The following CACNA2D4 variants were observed in gnomAD, a reference collection of about 807,000 sequenced individuals.
CACNA2D4 encodes voltage-dependent calcium channel subunit alpha-2/delta-4.
CACNA2D4 carries 157 observed loss-of-function variants against 163.8 expected under a neutral mutation model. The ratio of observed to expected loss-of-function variants is 0.96; its 90% confidence interval spans 0.84 to 1.09. CACNA2D4 has a LOEUF of 1.09. Ranked by LOEUF, CACNA2D4 falls within the 50% of genes least tolerant of loss-of-function variation. CACNA2D4 has a pLI of 0.00. For missense variants in CACNA2D4, 1,410 were observed against 1,479.9 expected, an observed-to-expected ratio of 0.95 and a Z score of 0.78; for synonymous variants, 598 against 586.9, an observed-to-expected ratio of 1.02 and a Z score of -0.27.
At position 1,860,154 on chromosome 12, in the gene CACNA2D4, G is replaced by A. The variant is rs1417203572; in HGVS notation, c.1931C>T (p.Thr644Ile). The A allele has an allele frequency of 1.2e-6, 2 of 1,613,278 alleles. No individual in the cohort carries two copies. The highest frequency in any genetic ancestry group is 4.5e-5 in the East Asian group (2 of 44,882). Residue 644 changes from threonine to isoleucine, a missense_variant, in exon 19 of 38, where the codon ACC becomes ATC. Thr to Ile is a moderately conservative substitution (Grantham distance 89). Coordinates refer to ENST00000382722, the MANE Select transcript of CACNA2D4 (RefSeq NM_172364.5). Reference protein sequence around the residue: ...NDYFFTDISDTPFSLGVVLSR... With the variant: ...NDYFFTDISDIPFSLGVVLSR... ...AGCCTGTGTCCCTCACCTGAAAGGG[G>A]TGTCGCTGATGTCCGTGAAGAAGTA... is the stretch of plus-strand genomic sequence containing the variant.
At chr12:1,827,975 G>A (rs981161003) in intron 26 of CACNA2D4, 10 of 470,840 alleles carry the variant, frequency 2.1e-5, no homozygotes, top group Middle Eastern at 5.4e-4. Flanking sequence ...AACAGGAGAG[G>A]GCATGAGGAG....
chr12:1,829,720 C>A lies in CACNA2D4; in HGVS notation c.2551+11019G>T, dbSNP rs1864532643. Among the ~76,000 whole-genome samples the A allele has an allele frequency of 6.7e-6, 1 of 149,116 alleles. No homozygotes were observed. The highest frequency in any genetic ancestry group is 6.7e-5 in the Admixed American group (1 of 15,034). ...CCACCCCGACCTGGGACAGCCAGGT[C>A]CCAGGTCCCATGTCAGGGTGGGCCG... On this transcript the variant is annotated intron_variant, in intron 26 of 37. Coordinates refer to ENST00000382722, the MANE Select transcript of CACNA2D4 (RefSeq NM_172364.5). The surrounding 1 kb of genome is among the most constrained non-coding windows in gnomAD (Gnocchi z 4.2).
chr12:1,856,351 G>C, intron 20 of CACNA2D4, 122 bp from the exon 21 acceptor site: 1 of 1,012,182 alleles, frequency 9.9e-7, no homozygotes. Context: ...GTTCTTTCTT[G>C]CTCTTAGCTC....
At position 1,871,612 on chromosome 12, in the gene CACNA2D4, C is replaced by G. The variant is rs1865785800; in HGVS notation, c.1878+2992G>C. Among the ~76,000 whole-genome samples, 7 of 150,024 alleles carry G rather than the reference C, an allele frequency of 4.7e-5. No individual in the cohort carries two copies. In the South Asian group the frequency reaches 1.5e-3, roughly 32 times the overall value. ...TGTATGTGTGTACACATGTATGCCG[C>G]TCGTGTGTGCATGTGTACACGCGTG... On this transcript the variant is annotated intron_variant, in intron 18 of 37. Coordinates refer to ENST00000382722, the MANE Select transcript of CACNA2D4 (RefSeq NM_172364.5).
intron 26 of CACNA2D4, among the ~76,000 whole-genome samples, chr12:1,837,686 C>G (rs1169502995): frequency 2.6e-5 from 4 of 152,144 alleles, no homozygotes; most frequent in African/African-American, 9.7e-5. Flanking sequence ...CAGCTCCATT[C>G]CATGGCAGAG....
intron 3 of CACNA2D4, among the ~76,000 whole-genome samples, chr12:1,911,980 T>C (rs1257474432): frequency 6.6e-6 from 1 of 152,242 alleles, no homozygotes; most frequent in African/African-American, 2.4e-5. Context: ...CATTGGTTCC[T>C]GATGCTAAGA....
chr12:1,910,548 A>G (rs945802183), intron 3 of CACNA2D4, among the ~76,000 whole-genome samples: 1 of 152,228 alleles, frequency 6.6e-6, no homozygotes, highest in African/African-American at 2.4e-5. Flanking sequence ...TCTTAAAAAT[A>G]AAGTCTACTA....
chr12:1,885,081 C>T lies in CACNA2D4; in HGVS notation c.1069-5G>A, dbSNP rs1445019194. 1.2e-6 allele frequency: 2 copies of T among 1,612,178 alleles called. No homozygotes were observed. Among genetic ancestry groups the T allele is most frequent in the South Asian group, 1.1e-5 (1 of 91,040 alleles). The stretch of plus-strand genomic sequence containing the variant: ...CTCCACCAGCAGTTTGAAATGCTGC[C>T]ATGGGTGAGATATTAGAGAAGCATC... On this transcript the variant is annotated splice_polypyrimidine_tract_variant and splice_region_variant and intron_variant, in intron 9 of 37. Coordinates refer to ENST00000382722, the MANE Select transcript of CACNA2D4 (RefSeq NM_172364.5).
At chr12:1,898,677 CTGTGTG>C (rs148994217) in intron 6 of CACNA2D4, among the ~76,000 whole-genome samples, 27 of 149,298 alleles carry the variant, frequency 1.8e-4, no homozygotes, top group South Asian at 6.4e-4. Flanking sequence ...TCCCACAACT[CTGTGTG>C]TGTGTGTGTG....
chr12:1,865,449 A>G (rs1865628547), intron 18 of CACNA2D4, among the ~76,000 whole-genome samples: 1 of 152,188 alleles, frequency 6.6e-6, no homozygotes, highest in Non-Finnish European at 1.5e-5. Flanking sequence ...CCAAAGCACA[A>G]TCGCGTGCCT....
At chr12:1,892,856 CA>C (rs1866319587) in intron 6 of CACNA2D4, among the ~76,000 whole-genome samples, 1 of 152,024 alleles carries the variant, frequency 6.6e-6, no homozygotes, top group Admixed American at 6.5e-5. Flanking sequence ...TTAGATAAAA[CA>C]AACTTTAAGT....
At chr12:1,887,992 A>G (rs1280680941) in intron 6 of CACNA2D4, among the ~76,000 whole-genome samples, 1 of 152,172 alleles carries the variant, frequency 6.6e-6, no homozygotes, top group Non-Finnish European at 1.5e-5. Context: ...CATGATCTCA[A>G]AACCAAACAA....
chr12:1,907,628 C>A, intron 5 of CACNA2D4, 57 bp from the exon 6 acceptor site: 1 of 1,532,474 alleles, frequency 6.5e-7, no homozygotes, highest in Non-Finnish European at 9.0e-7. Flanking sequence ...AAATGGTGAT[C>A]ATGCCCGGTG....
At chr12:1,899,257 A>C (rs1866483618) in intron 6 of CACNA2D4, among the ~76,000 whole-genome samples, 1 of 152,112 alleles carries the variant, frequency 6.6e-6, no homozygotes, top group South Asian at 2.1e-4. Flanking sequence ...GTCTCATTTA[A>C]GAAGTCAGGA....
rs370133531 is a variant in CACNA2D4 at position 1,907,870 on chromosome 12, G to A, written c.649+5C>T. The A allele has an allele frequency of 8.7e-6, 14 of 1,613,958 alleles. 1 individual carries two copies. The East Asian group carries it at 1.8e-4, about 21-fold the overall frequency. Reference sequence around the variant, plus strand: ...GAGTGTGCCTGAGCTGAGCGTGCCGGCTACCTTTGTTGTACACGTTGGTGG... The same window carrying A: ...GAGTGTGCCTGAGCTGAGCGTGCCGACTACCTTTGTTGTACACGTTGGTGG... On this transcript the variant is annotated splice_donor_5th_base_variant and intron_variant, in intron 5 of 37. Coordinates refer to ENST00000382722, the MANE Select transcript of CACNA2D4 (RefSeq NM_172364.5).
intron 18 of CACNA2D4, among the ~76,000 whole-genome samples, chr12:1,867,371 A>T (rs933658537): frequency 2.0e-5 from 3 of 152,198 alleles, no homozygotes; most frequent in Non-Finnish European, 4.4e-5. Flanking sequence ...AGGTTGCTGA[A>T]GTTCTGTTTC....
Position 1,829,154 on chromosome 12 carries a change from A to G in CACNA2D4, c.2551+11585T>C, listed in dbSNP as rs116781783. 9.2e-3 allele frequency among the ~76,000 whole-genome samples: 1,395 copies of G among 152,090 alleles called. 23 individuals carry two copies. Among genetic ancestry groups the G allele is most frequent in the African/African-American group, 0.03 (1,230 of 41,456 alleles). ...TCACTGGAGCTTTTATGCCACCTTG[A>G]TCTCCAGGGAGGTGGGGGGCGCAGG... is the stretch of plus-strand genomic sequence containing the variant. On this transcript the variant is annotated intron_variant, in intron 26 of 37. Transcript: ENST00000382722. This position sits in a 1 kb window ranked among gnomAD's most constrained non-coding sequence, Gnocchi z 4.2.
intron 26 of CACNA2D4, among the ~76,000 whole-genome samples, chr12:1,822,976 C>G (rs1864169253): frequency 6.6e-6 from 1 of 152,214 alleles, no homozygotes; most frequent in Non-Finnish European, 1.5e-5. Context: ...GGGTGTGGGC[C>G]CAGTCGTGGC....
chr12:1,839,198 C>T lies in CACNA2D4; in HGVS notation c.2551+1541G>A, dbSNP rs915940781. Among the ~76,000 whole-genome samples the T allele has an allele frequency of 2.6e-5, 4 of 152,246 alleles. No homozygotes were observed. The South Asian group carries it at 8.3e-4, about 31-fold the overall frequency. ...GTCCCCATCCTGCTGCGAGAGTCCT[C>T]ACCTGGCCAGGGCCTCGGTTACAAG... On this transcript the variant is annotated intron_variant, in intron 26 of 37. Transcript: ENST00000382722.
Sources: allele counts gnomAD v4.1 joint callset (sites outside exome capture counted in the v4.1 genomes callset), GRCh38; gene constraint gnomAD v4.1.1; non-coding constraint Gnocchi (gnomAD v3.1); transcripts MANE v1.5; gene names NCBI Gene and HGNC (gene_info 2026-07-23, HGNC 2026-07-21).